Variants in EPHA3 observed in about 807,000 individuals in gnomAD.
EPHA3 encodes the protein EPH receptor A3.
Under a neutral mutation model 107.1 loss-of-function variants are expected in EPHA3, and 42 were observed. The ratio of observed to expected loss-of-function variants is 0.39; its 90% CI spans 0.31 to 0.51. EPHA3 has a LOEUF of 0.51. Among genes scored for constraint, EPHA3 ranks in the 20% least tolerant of loss-of-function variants. The pLI is 0.78. For synonymous variants in EPHA3, 461 were observed against 424.8 expected, an observed-to-expected ratio of 1.09 and a Z score of -1.05; for missense variants, 1,183 against 1,211.2, an observed-to-expected ratio of 0.98 and a Z score of 0.35.
intron 3 of EPHA3, among the ~76,000 whole-genome samples, chr3:89,260,143 G>C (rs1389630893): frequency 6.6e-6 from 1 of 152,210 alleles, no homozygotes; most frequent in Middle Eastern, 3.2e-3. Flanking sequence ...ATGAACATGA[G>C]AGTACAGATA....
chr3:89,444,784 C>G (rs538265757), intron 13 of EPHA3, among the ~76,000 whole-genome samples: 1 of 151,868 alleles, frequency 6.6e-6, no homozygotes, highest in South Asian at 2.1e-4. Flanking sequence ...TCCTGTTTCC[C>G]TCAATGATGG....
chr3:89,407,610 T>C (rs1260665152), intron 8 of EPHA3, among the ~76,000 whole-genome samples: 1 of 152,060 alleles, frequency 6.6e-6, no homozygotes, highest in African/African-American at 2.4e-5. Context: ...CCTCCTCTTC[T>C]CTCTTCTGAC....
chr3:89,175,171 C>T (rs1265545407), intron 2 of EPHA3, among the ~76,000 whole-genome samples: 1 of 151,332 alleles, frequency 6.6e-6, no homozygotes, highest in Non-Finnish European at 1.5e-5. Flanking sequence ...GAAAATAGGC[C>T]CTTTTTATTT....
At chr3:89,176,504 A>ATT (rs1705323381) in intron 2 of EPHA3, among the ~76,000 whole-genome samples, 1 of 151,452 alleles carries the variant, frequency 6.6e-6, no homozygotes, top group Non-Finnish European at 1.5e-5. Flanking sequence ...CTCTAAAAAA[A>ATT]AAAAAAAAAA....
chr3:89,440,547 G>C (rs963157783), intron 13 of EPHA3, among the ~76,000 whole-genome samples: 3 of 152,184 alleles, frequency 2.0e-5, no homozygotes, highest in African/African-American at 7.2e-5. Context: ...TACCGCATGA[G>C]CTGACTTCAG....
At chr3:89,420,219 G>A (rs1458529302) in intron 11 of EPHA3, among the ~76,000 whole-genome samples, 10 of 151,380 alleles carry the variant, frequency 6.6e-5, no homozygotes, top group African/African-American at 2.2e-4. Flanking sequence ...GCATCCTTTA[G>A]GGGATAATTC....
intron 3 of EPHA3, among the ~76,000 whole-genome samples, chr3:89,211,742 C>CCTT (rs1206791496): frequency 0.016 from 306 of 19,462 alleles, 6 homozygotes; most frequent in South Asian, 0.046. Flanking sequence ...TTCTTCTTCT[C>CCTT]CTTCTTCTTC....
intron 3 of EPHA3, among the ~76,000 whole-genome samples, chr3:89,232,420 A>T (rs548139898): frequency 6.6e-6 from 1 of 152,198 alleles, no homozygotes; most frequent in East Asian, 1.9e-4. Context: ...GTGGGAAAGG[A>T]CAGACTGGTG....
intron 3 of EPHA3, among the ~76,000 whole-genome samples, chr3:89,276,000 C>G (rs1287216841): frequency 6.6e-6 from 1 of 151,972 alleles, no homozygotes; most frequent in Non-Finnish European, 1.5e-5. Context: ...CTAGAACCAG[C>G]AGGGTGAATA....
intron 11 of EPHA3, among the ~76,000 whole-genome samples, chr3:89,421,372 G>C (rs2107528441): frequency 6.6e-6 from 1 of 151,096 alleles, no homozygotes; most frequent in South Asian, 2.1e-4. Flanking sequence ...AGGAAGGGAG[G>C]ACACAACAAT....
chr3:89,319,975 C>T (rs1455854346), intron 3 of EPHA3, among the ~76,000 whole-genome samples: 1 of 151,524 alleles, frequency 6.6e-6, no homozygotes, highest in South Asian at 2.1e-4. Context: ...TTTATAAATG[C>T]CTTACAGGTA....
At chr3:89,300,557 A>T (rs566170177) in intron 3 of EPHA3, among the ~76,000 whole-genome samples, 27 of 152,148 alleles carry the variant, frequency 1.8e-4, no homozygotes, top group African/African-American at 5.8e-4. Flanking sequence ...ACACCATGCT[A>T]AACATTTTTA....
intron 3 of EPHA3, among the ~76,000 whole-genome samples, chr3:89,246,637 C>T (rs1012982688): frequency 2.6e-5 from 4 of 152,014 alleles, no homozygotes; most frequent in African/African-American, 7.2e-5. Context: ...GTGAATATAT[C>T]GAATATCAAT....
chr3:89,377,211 A>T (rs1268758330), intron 5 of EPHA3, among the ~76,000 whole-genome samples: 1 of 150,540 alleles, frequency 6.6e-6, no homozygotes, highest in Admixed American at 6.6e-5. Flanking sequence ...ACCTGTCTCT[A>T]TACATTCTTT....
chr3:89,378,300 C>A (rs1438071437), intron 5 of EPHA3, among the ~76,000 whole-genome samples: 1 of 152,082 alleles, frequency 6.6e-6, no homozygotes, highest in Non-Finnish European at 1.5e-5. Flanking sequence ...ATTCACATCT[C>A]ATGAAATCCA....
intron 2 of EPHA3, among the ~76,000 whole-genome samples, chr3:89,205,228 A>G (rs1265329817): frequency 6.6e-6 from 1 of 152,208 alleles, no homozygotes; most frequent in Non-Finnish European, 1.5e-5. Flanking sequence ...AAATAAATAA[A>G]AATGTTTTCT....
intron 5 of EPHA3, among the ~76,000 whole-genome samples, chr3:89,350,112 G>A (rs887008403): frequency 6.6e-5 from 10 of 150,854 alleles, no homozygotes; most frequent in East Asian, 3.9e-4. Context: ...TGCTCTTCTC[G>A]AGGAGTATCT....
intron 7 of EPHA3, 68 bp downstream of exon 7, chr3:89,399,548 T>C (rs1236993831): frequency 6.3e-7 from 1 of 1,579,450 alleles, no homozygotes; most frequent in Non-Finnish European, 8.6e-7. Flanking sequence ...TGATCGTTTA[T>C]TCTCACTGTT....
rs1396813122 is a variant in EPHA3, at chr3:89,468,960, GT to G, written c.2691-3501del. ...GAGTAATTTAAAAAATCATAAAGTC[GT>G]TTGCATATATGTTTCAGAAGAAGAT... is the stretch of plus-strand genomic sequence containing the variant. On this transcript the variant is annotated intron_variant, in intron 15 of 16. Transcript: ENST00000336596. Among the ~76,000 whole-genome samples the G allele has an allele frequency of 4.6e-5, 7 of 152,032 alleles. 1 individual carries two copies. The highest frequency in any genetic ancestry group is 3.9e-4 in the East Asian group (2 of 5,180).
Sources: allele counts gnomAD v4.1 joint callset (sites outside exome capture counted in the v4.1 genomes callset), GRCh38; gene constraint gnomAD v4.1.1; transcripts MANE v1.5; gene names NCBI Gene and HGNC (gene_info 2026-07-23, HGNC 2026-07-21).